AGMO: variants seen among roughly 807,000 people sequenced by gnomAD.
The protein encoded by AGMO is alkylglycerol monooxygenase, also known as glyceryl-ether monooxygenase.
In AGMO, 75 loss-of-function variants were observed where a neutral mutation model predicts 60.2. That is an observed-to-expected ratio of 1.25 (90% CI 1.03 to 1.51). The LOEUF (loss-of-function observed/expected upper bound fraction) is 1.51. Ranked by LOEUF, AGMO falls within the 40% of genes most tolerant of loss-of-function variation. The pLI is 0.00. For synonymous variants in AGMO, 261 were observed against 177.1 expected (o/e 1.47, Z -3.76); for missense variants, 763 against 525.5 (o/e 1.45, Z -4.42).
At chr7:15,526,281 C>A (rs770533927) in intron 3 of AGMO, among the ~76,000 whole-genome samples, 17 of 152,160 alleles carry the variant, frequency 1.1e-4, no homozygotes, top group Non-Finnish European at 2.2e-4. Flanking sequence ...AGACTTAAGG[C>A]CCTACAAAGC....
chr7:15,167,576 A>G, the AGMO span, among the ~76,000 whole-genome samples: 1 of 152,208 alleles, frequency 6.6e-6, no homozygotes, highest in African/African-American at 2.4e-5. Flanking sequence ...ATTTTAACAC[A>G]TTTTAGCCAT....
chr7:15,151,938 T>C, the AGMO span, among the ~76,000 whole-genome samples: 1 of 152,156 alleles, frequency 6.6e-6, no homozygotes, highest in Non-Finnish European at 1.5e-5. Context: ...GGTTAGTCTA[T>C]TCTGTTTTTA....
At chr7:15,371,084 CCCTA>C (rs1376995651) in intron 10 of AGMO, among the ~76,000 whole-genome samples, 1 of 151,930 alleles carries the variant, frequency 6.6e-6, no homozygotes, top group Non-Finnish European at 1.5e-5. Flanking sequence ...GAAACCAGAC[CCCTA>C]CCTTTCACCA....
intron 12 of AGMO, among the ~76,000 whole-genome samples, chr7:15,320,124 A>AAGT (rs397972594): frequency 2.9e-5 from 3 of 103,506 alleles, no homozygotes; most frequent in Non-Finnish European, 6.3e-5. Flanking sequence ...GGGGTGGGGG[A>AAGT]GGGGGAAGGG....
At chr7:15,253,959 T>C (rs1783021693) in intron 12 of AGMO, among the ~76,000 whole-genome samples, 1 of 152,074 alleles carries the variant, frequency 6.6e-6, no homozygotes, top group African/African-American at 2.4e-5. Context: ...ATTTTTTTTT[T>C]CCTGTGCCTG....
At chr7:15,243,224 T>A (rs1583321292) in intron 12 of AGMO, among the ~76,000 whole-genome samples, 1 of 152,242 alleles carries the variant, frequency 6.6e-6, no homozygotes, top group East Asian at 1.9e-4. Context: ...ATCTTCAAAT[T>A]AAATCCAAGT....
chr7:15,391,977 G>A (rs10273716), intron 6 of AGMO, among the ~76,000 whole-genome samples: 25 of 152,170 alleles, frequency 1.6e-4, no homozygotes, highest in Admixed American at 2.6e-4. Context: ...ATAAGCAGGC[G>A]TGGGCATGCG....
intron 12 of AGMO, among the ~76,000 whole-genome samples, chr7:15,229,733 ATAT>A (rs984151109): frequency 2.8e-5 from 4 of 145,150 alleles, no homozygotes; most frequent in African/African-American, 5.1e-5. Flanking sequence ...TATAAATTAT[ATAT>A]TATAATATAT....
chr7:15,216,551 C>A (rs574022636), intron 12 of AGMO, among the ~76,000 whole-genome samples: 1 of 151,956 alleles, frequency 6.6e-6, no homozygotes, highest in Non-Finnish European at 1.5e-5. Context: ...AGGCATCATT[C>A]ATTTGTAGTA....
chr7:15,143,150 T>G, the AGMO span, among the ~76,000 whole-genome samples: 1 of 152,226 alleles, frequency 6.6e-6, no homozygotes, highest in Non-Finnish European at 1.5e-5. Flanking sequence ...ATTAAATATC[T>G]TTATTTCTTC....
chr7:15,381,470 A>G (rs1783682299), intron 10 of AGMO, among the ~76,000 whole-genome samples: 2 of 152,142 alleles, frequency 1.3e-5, no homozygotes, highest in Admixed American at 6.5e-5. Flanking sequence ...TCAAAACCAC[A>G]ATGGTGTACC....
At chr7:15,207,971 A>T (rs1406539490) in intron 12 of AGMO, among the ~76,000 whole-genome samples, 2 of 152,174 alleles carry the variant, frequency 1.3e-5, no homozygotes, top group African/African-American at 4.8e-5. Flanking sequence ...AAATAAATAA[A>T]GTGAAAATAG....
intron 12 of AGMO, among the ~76,000 whole-genome samples, chr7:15,343,595 A>G (rs928873550): frequency 3.9e-5 from 6 of 152,192 alleles, no homozygotes; most frequent in African/African-American, 1.4e-4. Flanking sequence ...TTACAAGAGT[A>G]ACATCAAAAT....
intron 12 of AGMO, among the ~76,000 whole-genome samples, chr7:15,233,333 G>C (rs1782314443): frequency 6.6e-6 from 1 of 152,132 alleles, no homozygotes; most frequent in African/African-American, 2.4e-5. Context: ...TTGGGTATTA[G>C]GAACCACACT....
At chr7:15,317,909 A>G (rs1369264443) in intron 12 of AGMO, among the ~76,000 whole-genome samples, 2 of 125,402 alleles carry the variant, frequency 1.6e-5, no homozygotes, top group African/African-American at 7.3e-5. Flanking sequence ...ACACACACGT[A>G]TATATATATA....
chr7:15,247,382 G>C (rs1782770351), intron 12 of AGMO, among the ~76,000 whole-genome samples: 1 of 146,702 alleles, frequency 6.8e-6, no homozygotes, highest in Non-Finnish European at 1.5e-5. Context: ...CCAAGTTATA[G>C]TTACATTTTG....
intron 10 of AGMO, among the ~76,000 whole-genome samples, chr7:15,377,773 G>A (rs527526843): frequency 3.3e-4 from 50 of 152,060 alleles, no homozygotes; most frequent in African/African-American, 1.2e-3. Flanking sequence ...TACTTGGGGA[G>A]AACATATTAA....
intron 10 of AGMO, among the ~76,000 whole-genome samples, chr7:15,384,018 C>G (rs1427616854): frequency 6.6e-6 from 1 of 152,130 alleles, no homozygotes; most frequent in Non-Finnish European, 1.5e-5. Flanking sequence ...TCACTGCAAG[C>G]TCTGCCTCCC....
rs556106213 is a variant in AGMO at position 15,424,927 on chromosome 7, C to G, written c.513+6078G>C. On this transcript the variant is annotated intron_variant, in intron 4 of 12. Coordinates refer to ENST00000342526, the MANE Select transcript of AGMO (RefSeq NM_001004320.2). ...ATTTGTCTTTATATAAGTCCAACTC[C>G]CACATATTGAAAAACAGTCTTTGCT... Among the ~76,000 whole-genome samples the G allele has an allele frequency of 2.3e-4, 35 of 152,246 alleles. 1 individual carries two copies. The highest frequency in any genetic ancestry group is 8.3e-4 in the South Asian group (4 of 4,832).
Sources: allele counts gnomAD v4.1 joint callset (sites outside exome capture counted in the v4.1 genomes callset), GRCh38; gene constraint gnomAD v4.1.1; transcripts MANE v1.5; gene names NCBI Gene and HGNC (gene_info 2026-07-23, HGNC 2026-07-21).